The following LIMCH1 variants were observed in gnomAD, a reference collection of about 807,000 sequenced individuals.
LIMCH1 encodes the protein LIM and calponin homology domains-containing protein 1.
In LIMCH1, 113 loss-of-function variants were observed where a neutral mutation model predicts 176.5. The ratio of observed to expected loss-of-function variants is 0.64; its 90% CI spans 0.55 to 0.75. LIMCH1 has a LOEUF of 0.75. LIMCH1 is among the 30% of genes least tolerant of loss of function. LIMCH1 has a pLI of 0.00. For synonymous variants in LIMCH1, 619 were observed against 645.9 expected (o/e 0.96, Z 0.63); for missense variants, 1,674 against 1,814.9 (o/e 0.92, Z 1.41).
intron 1 of LIMCH1, among the ~76,000 whole-genome samples, chr4:41,381,391 A>G (rs2154103551): frequency 6.6e-6 from 1 of 152,354 alleles, no homozygotes. Context: ...CCAAAGAGGA[A>G]TGTAAACAAG....
intron 1 of LIMCH1, among the ~76,000 whole-genome samples, chr4:41,591,730 G>A (rs1300469033): frequency 5.9e-5 from 9 of 152,190 alleles, no homozygotes; most frequent in Non-Finnish European, 1.3e-4. Flanking sequence ...AAAGGTGTCT[G>A]GATTCATTTG....
intron 4 of LIMCH1, 118 bp downstream of exon 4, chr4:41,606,122 T>A (rs1315984654): frequency 4.7e-6 from 3 of 637,912 alleles, no homozygotes; most frequent in Non-Finnish European, 8.5e-6. Context: ...GCCAAAGATA[T>A]GCACTCAAGG....
At chr4:41,573,737 C>T (rs1229412576) in intron 1 of LIMCH1, among the ~76,000 whole-genome samples, 1 of 152,108 alleles carries the variant, frequency 6.6e-6, no homozygotes, top group Non-Finnish European at 1.5e-5. Context: ...GACAAATTCC[C>T]AGCAGTAAAG....
At position 41,680,911 on chromosome 4, in the gene LIMCH1, T is replaced by C. The variant is rs774880088; in HGVS notation, c.3613-44T>C. ...GACATTTTTGTCTTGACAAATATGATTTTTATTTTCCCCCCTTTCATCGAT... is the reference window on the plus strand; with the variant it reads ...GACATTTTTGTCTTGACAAATATGACTTTTATTTTCCCCCCTTTCATCGAT... On this transcript the variant is annotated intron_variant, in intron 24 of 31. Transcript: ENST00000503057. The C allele has an allele frequency of 8.1e-6, 9 of 1,113,182 alleles. No homozygotes were observed. In the East Asian group the frequency reaches 2.1e-4, roughly 27 times the overall value. 69.0% of individuals were successfully genotyped at this position (1,113,182 alleles called of 1,614,324 possible). A position where few individuals can be genotyped will look rare whatever the true frequency, so the allele number is the denominator to read the frequency against.
intron 16 of LIMCH1, 41 bp downstream of exon 16, chr4:41,646,321 C>T (rs776284639): frequency 1.9e-6 from 3 of 1,555,430 alleles, no homozygotes; most frequent in Middle Eastern, 1.7e-4. Flanking sequence ...ACAATATTAT[C>T]TAGGTGTTTT....
chr4:41,365,205 A>G (rs1056356444), intron 1 of LIMCH1, among the ~76,000 whole-genome samples: 13 of 152,246 alleles, frequency 8.5e-5, no homozygotes, highest in Non-Finnish European at 1.8e-4. Flanking sequence ...GAGTGTGCCC[A>G]TGGGGCTTGG....
At chr4:41,687,773 T>C in intron 28 of LIMCH1, 67 bp from the exon 29 acceptor site, 1 of 968,112 alleles carries the variant, frequency 1.0e-6, no homozygotes, top group East Asian at 2.4e-5. Flanking sequence ...ATCTAAAATG[T>C]CTTTTTTTAA....
intron 1 of LIMCH1, among the ~76,000 whole-genome samples, chr4:41,364,741 T>A (rs1034486233): frequency 1.3e-5 from 2 of 152,246 alleles, no homozygotes; most frequent in Non-Finnish European, 2.9e-5. Context: ...TTCTTGTAGA[T>A]GATCTAATAT....
intron 1 of LIMCH1, among the ~76,000 whole-genome samples, chr4:41,582,980 T>C (rs1399130260): frequency 1.3e-5 from 2 of 152,206 alleles, no homozygotes; most frequent in East Asian, 3.8e-4. Flanking sequence ...CATTTAATCA[T>C]TTTAAGTGGA....
Position 41,631,286 on chromosome 4 carries a change from C to G in LIMCH1, c.1410C>G (p.His470Gln). Residue 470 changes from histidine to glutamine, a missense_variant, in exon 10 of 32, where the codon CAC (histidine) becomes CAG (glutamine). By Grantham distance (24) the His-to-Gln change is conservative. Transcript: ENST00000503057. ...KASSPRQKFV[H>Q]FGPVTELDQQ... The stretch of plus-strand genomic sequence containing the variant: ...CCAGCCCCAGGCAAAAGTTTGTGCA[C>G]TTTGGGCCAGTGACGGAGCTAGATC... 2 of 1,536,054 alleles carry G rather than the reference C, an allele frequency of 1.3e-6. No individual in the cohort carries two copies. Among genetic ancestry groups the G allele is most frequent in the Non-Finnish European group, 1.7e-6 (2 of 1,146,898 alleles).
At chr4:41,695,441 A>G (rs1729894189) in intron 31 of LIMCH1, among the ~76,000 whole-genome samples, 1 of 151,770 alleles carries the variant, frequency 6.6e-6, no homozygotes. Flanking sequence ...TTGTATGAAT[A>G]TCACTGAATG....
chr4:41,612,947 G>C, intron 4 of LIMCH1: 1 of 1,528,298 alleles, frequency 6.5e-7, no homozygotes, highest in Non-Finnish European at 8.8e-7. Context: ...AACGCGTGCT[G>C]CTCCAGGATT....
Position 41,687,905 on chromosome 4 carries a change from A to C in LIMCH1, c.4154A>C (p.Gln1385Pro), listed in dbSNP as rs1341000305. The change falls in exon 29 of 32, where the codon CAG (glutamine) becomes CCG (proline). Residue 1385 changes from glutamine (Q) to proline (P), a missense_variant. Gln to Pro is a moderately conservative substitution (Grantham distance 76). Around this residue, in one of 3 missense-constraint regions of LIMCH1, gnomAD observed 1,015 missense variants for 1,102.5 expected, o/e 0.92. Transcript: ENST00000503057. ...CCCTGTTCTCCCACCCCTCCCGGTC[A>C]GTCACCAAACAGGTACAAGAGGTCA... ...FSPCSPTPPG[Q>P]SPNRSISGKK... The C allele has an allele frequency of 6.2e-7, 1 of 1,613,316 alleles. No individual in the cohort carries two copies. The highest frequency in any genetic ancestry group is 1.1e-5 in the South Asian group (1 of 91,020).
intron 1 of LIMCH1, among the ~76,000 whole-genome samples, chr4:41,582,941 TGTG>T (rs377300999): frequency 6.6e-6 from 1 of 152,324 alleles, no homozygotes; most frequent in African/African-American, 2.4e-5. Flanking sequence ...TTTATTTTAT[TGTG>T]GTAAAATATA....
At chr4:41,359,946 C>G (rs73232181), upstream of LIMCH1, 13,037 of 152,222 alleles carry the variant, frequency 0.086, 802 homozygotes, top group East Asian at 0.26. Context: ...TTGTCTGTCC[C>G]GGCCCCCAAT....
chr4:41,654,535 C>T (rs1049065472), intron 18 of LIMCH1, among the ~76,000 whole-genome samples: 6 of 152,032 alleles, frequency 3.9e-5, no homozygotes, highest in Middle Eastern at 3.2e-3. Flanking sequence ...AGTCATGGAA[C>T]GTCTGTACTA....
Position 41,681,074 on chromosome 4 carries a change from TA to T in LIMCH1, c.3717+19del. 1 of 1,488,152 alleles carries T rather than the reference TA, an allele frequency of 6.7e-7. No homozygotes were observed. The highest frequency in any genetic ancestry group is 9.4e-7 in the Non-Finnish European group (1 of 1,069,264). 92.2% of individuals were successfully genotyped at this position (1,488,152 alleles called of 1,614,324 possible). A position where few individuals can be genotyped will look rare whatever the true frequency, so the allele number is the denominator to read the frequency against. The stretch of plus-strand genomic sequence containing the variant: ...GTGGGACAATGGTGAGACCACAGAT[TA>T]AAAGCAATTTGTGAAATAAATAAAC... On this transcript the variant is annotated intron_variant, in intron 25 of 31. Coordinates refer to ENST00000503057, the MANE Select transcript of LIMCH1 (RefSeq NM_001330672.2).
chr4:41,444,755 T>G (rs1365457259), intron 1 of LIMCH1, among the ~76,000 whole-genome samples: 3 of 152,178 alleles, frequency 2.0e-5, no homozygotes, highest in Non-Finnish European at 4.4e-5. Context: ...TGCTCAACAT[T>G]GGGGATTTGA....
At position 41,646,616 on chromosome 4, in the gene LIMCH1, C is replaced by T. The variant is rs778862228; in HGVS notation, c.2543C>T (p.Pro848Leu). 3.1e-6 allele frequency: 5 copies of T among 1,613,994 alleles called. No homozygotes were observed. In the East Asian group the frequency reaches 6.7e-5, roughly 22 times the overall value. ...GCTGTTCTCGAACGCTTGGAGATGC[C>T]AAAAATTCTGGAAAGAAGCCATTCA... ...SEAVLERLEMPKILERSHSTE... is the reference protein window; with the variant it reads ...SEAVLERLEMLKILERSHSTE... Residue 848 changes from proline to leucine, a missense_variant, in exon 17 of 32, where the codon CCA becomes CTA. Physicochemically the swap from Pro to Leu is moderately conservative, Grantham distance 98 (BLOSUM62 -3). Coordinates refer to ENST00000503057, the MANE Select transcript of LIMCH1 (RefSeq NM_001330672.2).
Sources: allele counts gnomAD v4.1 joint callset (sites outside exome capture counted in the v4.1 genomes callset), GRCh38; gene constraint gnomAD v4.1.1; regional missense constraint gnomAD v4.1.1; transcripts MANE v1.5; gene names NCBI Gene and HGNC (gene_info 2026-07-23, HGNC 2026-07-21).